CDC73: variants seen among roughly 807,000 people sequenced by gnomAD.
CDC73 encodes the protein cell division cycle 73, also known as parafibromin.
A neutral mutation model predicts 83.7 loss-of-function variants in CDC73; 21 were observed. That is an observed-to-expected ratio of 0.25 (90% CI 0.18 to 0.36). CDC73 has a LOEUF of 0.36. CDC73 is among the 10% of genes least tolerant of loss of function. CDC73 has a pLI of 1.00. For missense variants in CDC73, 342 were observed against 653.3 expected (o/e 0.52, Z 5.19); for synonymous variants, 224 against 212.9 (o/e 1.05, Z -0.45).
chr1:193,136,662 C>T (rs771800584), intron 5 of CDC73: 2 of 175,984 alleles, frequency 1.1e-5, no homozygotes, highest in Non-Finnish European at 2.8e-5. Flanking sequence ...TTCTGCTATA[C>T]TGGGTATAAA....
chr1:193,184,060 T>C (rs987609378), intron 10 of CDC73, among the ~76,000 whole-genome samples: 1 of 151,894 alleles, frequency 6.6e-6, no homozygotes, highest in African/African-American at 2.4e-5. Context: ...CATATTGTAA[T>C]GTAGCATAAA....
chr1:193,199,157 TATTA>T (rs1277379323), intron 10 of CDC73, among the ~76,000 whole-genome samples: 1 of 152,208 alleles, frequency 6.6e-6, no homozygotes, highest in Non-Finnish European at 1.5e-5. Context: ...AAATTGTGCT[TATTA>T]TTTATGTTGA....
At chr1:193,250,567 A>G in intron 16 of CDC73, 109 bp from the exon 17 acceptor site, 1 of 780,844 alleles carries the variant, frequency 1.3e-6, no homozygotes, top group South Asian at 1.6e-5. Context: ...ACAGCATTTT[A>G]TTCTGTTGAT....
chr1:193,173,079 A>C (rs1295701722), intron 10 of CDC73, among the ~76,000 whole-genome samples: 1 of 152,140 alleles, frequency 6.6e-6, no homozygotes, highest in Non-Finnish European at 1.5e-5. Flanking sequence ...AAGTCAGGCA[A>C]CCTGGCCTAG....
In CDC73 at chr1:193,251,680, CAA is replaced by C. The variant is rs1365101609; in HGVS notation, c.*969_*970del. On this transcript the variant is annotated 3_prime_UTR_variant, in exon 17 of 17. Coordinates refer to ENST00000367435, the MANE Select transcript of CDC73 (RefSeq NM_024529.5). ...ATTTGCTTAATTGTCTGAAAAGAAA[CAA>C]GAGAAAAACACTGGTATTTTTATGT... The C allele has an allele frequency of 1.7e-5, 4 of 231,860 alleles. No homozygotes were observed. The highest frequency in any genetic ancestry group is 4.4e-5 in the African/African-American group (2 of 45,230). 14.4% of individuals were successfully genotyped at this position (231,860 alleles called of 1,614,324 possible). A position where few individuals can be genotyped will look rare whatever the true frequency, so the allele number is the denominator to read the frequency against.
chr1:193,215,282 T>TA (rs1677348069), intron 13 of CDC73, among the ~76,000 whole-genome samples: 1 of 152,212 alleles, frequency 6.6e-6, no homozygotes, highest in Non-Finnish European at 1.5e-5. Flanking sequence ...TTGAAATGTA[T>TA]TGTTTTCTAC....
chr1:193,193,462 T>G (rs1445346156), intron 10 of CDC73, among the ~76,000 whole-genome samples: 1 of 152,226 alleles, frequency 6.6e-6, no homozygotes, highest in Non-Finnish European at 1.5e-5. Flanking sequence ...GTGTTCCCAA[T>G]TGAACTTGGT....
Position 193,167,228 on chromosome 1 carries a change from C to T in CDC73, c.972+14784C>T, listed in dbSNP as rs374557044. Among the ~76,000 whole-genome samples the T allele has an allele frequency of 2.5e-3, 381 of 152,252 alleles. 1 individual carries two copies. Among genetic ancestry groups the T allele is most frequent in the Middle Eastern group, 0.017 (5 of 294 alleles). ...GTTTTAACTACCATTTGTTTGGTAG[C>T]ATCAGCATCTTAATAGATTCCCCTT... is the stretch of plus-strand genomic sequence containing the variant. On this transcript the variant is annotated intron_variant, in intron 10 of 16. Coordinates refer to ENST00000367435, the MANE Select transcript of CDC73 (RefSeq NM_024529.5).
intron 10 of CDC73, chr1:193,180,162 A>C (rs1313961362): frequency 3.8e-6 from 3 of 792,320 alleles, no homozygotes; most frequent in Admixed American, 3.7e-5. Context: ...TTCAGAAATT[A>C]AAAAAATACT....
intron 13 of CDC73, among the ~76,000 whole-genome samples, chr1:193,225,885 C>T (rs1271437352): frequency 2.6e-5 from 4 of 152,082 alleles, no homozygotes; most frequent in Non-Finnish European, 5.9e-5. Flanking sequence ...GTTCCTTTTG[C>T]CGTGCAAAAG....
intron 13 of CDC73, among the ~76,000 whole-genome samples, chr1:193,225,622 G>A (rs1677554308): frequency 6.6e-6 from 1 of 151,746 alleles, no homozygotes; most frequent in Non-Finnish European, 1.5e-5. Context: ...AGGCAGTATT[G>A]CATTTTGGTT....
intron 9 of CDC73, among the ~76,000 whole-genome samples, chr1:193,151,244 T>TA (rs928871031): frequency 1.3e-5 from 2 of 152,240 alleles, no homozygotes; most frequent in Non-Finnish European, 2.9e-5. Context: ...AAGTTTTTTT[T>TA]AAATGATATG....
rs556653834 is a variant in CDC73 at position 193,164,162 on chromosome 1, C to T, written c.972+11718C>T. On this transcript the variant is annotated intron_variant, in intron 10 of 16. Coordinates refer to ENST00000367435, the MANE Select transcript of CDC73 (RefSeq NM_024529.5). ...ATATTAGAAACCTCTTGTAGATCAT[C>T]GAAGACTAGTCCATAGTACATAGTA... Among the ~76,000 whole-genome samples, 168 of 152,272 alleles carry T rather than the reference C, an allele frequency of 1.1e-3. 2 individuals are homozygous for T. The highest frequency in any genetic ancestry group is 4.8e-3 in the South Asian group (23 of 4,820).
intron 10 of CDC73, among the ~76,000 whole-genome samples, chr1:193,190,488 T>C (rs1676900862): frequency 6.6e-6 from 1 of 152,248 alleles, no homozygotes; most frequent in African/African-American, 2.4e-5. Flanking sequence ...AGCTTTACTT[T>C]CCTTGAACTC....
chr1:193,135,630 A>G (rs1675779765), intron 5 of CDC73, 41 bp downstream of exon 5: 2 of 1,454,876 alleles, frequency 1.4e-6, no homozygotes, highest in Non-Finnish European at 1.9e-6. Context: ...TTATATTGTT[A>G]TTGAAATTGG....
intron 10 of CDC73, among the ~76,000 whole-genome samples, chr1:193,161,543 A>G (rs1241138376): frequency 7.4e-6 from 1 of 135,054 alleles, no homozygotes; most frequent in South Asian, 2.2e-4. Context: ...AAGTCAATTT[A>G]ACTTTATTTA....
chr1:193,139,661 G>A (rs756088897), intron 6 of CDC73, among the ~76,000 whole-genome samples: 2 of 151,970 alleles, frequency 1.3e-5, no homozygotes, highest in Non-Finnish European at 2.9e-5. Flanking sequence ...ACCTTGTTGA[G>A]GGCTAGATAT....
chr1:193,235,478 T>TC (rs1677740849), intron 14 of CDC73, among the ~76,000 whole-genome samples: 1 of 152,220 alleles, frequency 6.6e-6, no homozygotes, highest in Non-Finnish European at 1.5e-5. Flanking sequence ...CCATTATTGC[T>TC]GATAATGTTG....
chr1:193,173,350 T>C (rs1676550885), intron 10 of CDC73, among the ~76,000 whole-genome samples: 2 of 152,228 alleles, frequency 1.3e-5, no homozygotes, highest in Non-Finnish European at 2.9e-5. Context: ...TTTTAAAGGC[T>C]CTCCTTATCT....
Sources: allele counts gnomAD v4.1 joint callset (sites outside exome capture counted in the v4.1 genomes callset), GRCh38; gene constraint gnomAD v4.1.1; transcripts MANE v1.5; gene names NCBI Gene and HGNC (gene_info 2026-07-23, HGNC 2026-07-21).